ZDBF2: variants seen among roughly 807,000 people sequenced by gnomAD.
ZDBF2 encodes DBF4-type zinc finger-containing protein 2.
A neutral mutation model predicts 9.4 loss-of-function variants in ZDBF2; 6 were observed. That is an observed-to-expected ratio of 0.64 (90% CI 0.35 to 1.27). The LOEUF (loss-of-function observed/expected upper bound fraction) is 1.27, where lower values mean the gene tolerates loss of function less well. ZDBF2 is among the 50% of genes most tolerant of loss of function. ZDBF2 has a pLI of 0.03. For synonymous variants in ZDBF2, 905 were observed against 946.3 expected, an observed-to-expected ratio of 0.96 and a Z score of 0.80; for missense variants, 2,697 against 2,766.8, an observed-to-expected ratio of 0.97 and a Z score of 0.57.
rs1387520060 is a variant in ZDBF2, at chr2:206,307,010, G to A, written c.2482G>A (p.Glu828Lys). Residue 828 changes from glutamate (E) to lysine (K), a missense_variant, in exon 5 of 5, where the codon GAA becomes AAA. Glu to Lys is a moderately conservative substitution (Grantham distance 56, BLOSUM62 1). This residue lies in a region of ZDBF2 where 910 missense variants were observed against 973.6 expected (regional missense o/e 0.93). Coordinates refer to ENST00000374423, the MANE Select transcript of ZDBF2 (RefSeq NM_020923.3). ...TAAAAGTAATGAATCTTGTGTCTCT[G>A]AAATAACTTTTGATTCTGATATTCC... ...ESKSNESCVS[E>K]ITFDSDIPLH... is the part of the protein sequence containing the mutation. The A allele has an allele frequency of 2.5e-6, 4 of 1,613,488 alleles. No individual in the cohort carries two copies. Among genetic ancestry groups the A allele is most frequent in the Non-Finnish European group, 3.4e-6 (4 of 1,179,750 alleles).
intron 2 of ZDBF2, among the ~76,000 whole-genome samples, chr2:206,281,242 G>C (rs1283700533): frequency 6.6e-6 from 1 of 152,196 alleles, no homozygotes; most frequent in Non-Finnish European, 1.5e-5. Context: ...ATAATTGTCA[G>C]AAGAAAAGTG....
In ZDBF2 at chr2:206,306,248, T is replaced by C. The variant is rs1399532953; in HGVS notation, c.1720T>C (p.Tyr574His). The C allele has an allele frequency of 1.2e-6, 2 of 1,613,444 alleles. No homozygotes were observed. The highest frequency in any genetic ancestry group is 4.5e-5 in the East Asian group (2 of 44,886). The change falls in exon 5 of 5, where the codon TAT becomes CAT. Residue 574 changes from tyrosine to histidine, a missense_variant. Tyr to His is a moderately conservative substitution (Grantham distance 83). Coordinates refer to ENST00000374423, the MANE Select transcript of ZDBF2 (RefSeq NM_020923.3). ...KKAHTSLVDN[Y>H]GSSCSETSFD... is the part of the protein sequence containing the mutation. Reference sequence around the variant, plus strand: ...GGCTCATACCAGCTTGGTTGATAACTATGGATCGAGTTGTTCTGAAACAAG... The same window carrying C: ...GGCTCATACCAGCTTGGTTGATAACCATGGATCGAGTTGTTCTGAAACAAG...
In ZDBF2 at chr2:206,307,453, C is replaced by G. The variant is rs188907746; in HGVS notation, c.2925C>G (p.Val975=). ...CGACTCACAAACCTGAAGTAATTGT[C>G]AAAGAAACATGGCTTCAAAGAGAAA... The part of the protein sequence containing the change: ...QAATHKPEVI[V]KETWLQREKH... Residue 975 remains valine, a synonymous_variant, in exon 5 of 5, where the codon GTC becomes GTG. Transcript: ENST00000374423. 2 of 1,611,956 alleles carry G rather than the reference C, an allele frequency of 1.2e-6. No homozygotes were observed. The highest frequency in any genetic ancestry group is 3.4e-5 in the Admixed American group (2 of 59,690).
intron 1 of ZDBF2, among the ~76,000 whole-genome samples, chr2:206,277,379 C>T (rs1691072254): frequency 6.6e-6 from 1 of 151,300 alleles, no homozygotes; most frequent in South Asian, 2.1e-4. Flanking sequence ...CCTAAGTCAT[C>T]TGGGTAGCTC....
Position 206,309,165 on chromosome 2 carries a change from T to A in ZDBF2, c.4637T>A (p.Leu1546His). 1 of 1,611,312 alleles carries A rather than the reference T, an allele frequency of 6.2e-7. No individual in the cohort carries two copies. The highest frequency in any genetic ancestry group is 1.7e-5 in the Admixed American group (1 of 59,562). The change falls in exon 5 of 5, where the codon CTT becomes CAT. Residue 1546 changes from leucine (L) to histidine (H), a missense_variant. Leu to His is a moderately conservative substitution (Grantham distance 99). Around this residue, in one of 3 missense-constraint regions of ZDBF2, gnomAD observed 1,783 missense variants for 1,776.5 expected, o/e 1.00. Transcript: ENST00000374423. ...GAAGTAATTTCAGATGATATTCCCC[T>A]TCAGTTAGTGACTGACCCACCTCAG... ...DYEVISDDIPLQLVTDPPQLT... is the reference protein window; with the variant it reads ...DYEVISDDIPHQLVTDPPQLT...
chr2:206,287,891 T>G (rs1241177827), intron 3 of ZDBF2, among the ~76,000 whole-genome samples: 1 of 152,152 alleles, frequency 6.6e-6, no homozygotes, highest in East Asian at 1.9e-4. Flanking sequence ...ATTCTTTAGC[T>G]GTAGGATTTC....
At chr2:206,281,956 T>C in intron 3 of ZDBF2, 47 bp downstream of exon 3, 1 of 1,485,002 alleles carries the variant, frequency 6.7e-7, no homozygotes, top group Non-Finnish European at 9.2e-7. Flanking sequence ...GACCTAGTTG[T>C]GACTTTCTCT....
Position 206,310,415 on chromosome 2 carries a change from C to T in ZDBF2, c.5887C>T (p.Gln1963Ter). 6.2e-7 allele frequency: 1 copy of T among 1,613,946 alleles called. No homozygotes were observed. The highest frequency in any genetic ancestry group is 8.5e-7 in the Non-Finnish European group (1 of 1,179,872). Reference protein sequence around the residue: ...YPVMKRKIIRQEEDPPKSKCS... With the variant: ...YPVMKRKIIR ...AGTGATGAAAAGAAAAATAATTAGA[C>T]AAGAGGAAGACCCACCAAAAAGTAA... Residue 1963 changes from glutamine (Q) to a stop codon, truncating the protein, a stop_gained, in exon 5 of 5, where the codon CAA (glutamine) becomes TAA (stop). Coordinates refer to ENST00000374423, the MANE Select transcript of ZDBF2 (RefSeq NM_020923.3). LOFTEE classifies it low-confidence loss of function (END_TRUNC).
intron 3 of ZDBF2, among the ~76,000 whole-genome samples, chr2:206,291,732 G>T (rs911090075): frequency 2.6e-5 from 4 of 152,124 alleles, no homozygotes; most frequent in African/African-American, 9.7e-5. Flanking sequence ...CTTGGTCATG[G>T]TGTATAATCC....
rs1263305006 is a variant in ZDBF2, at chr2:206,305,687, C to G, written c.1159C>G (p.Leu387Val). ...QPQETAQDLS[L>V]WKEEQIDQED... ...CCAAGAGACTGCACAAGACTTAAGT[C>G]TTTGGAAGGAGGAGCAAATTGACCA... is the stretch of plus-strand genomic sequence containing the variant. Residue 387 changes from leucine (L) to valine (V), a missense_variant, in exon 5 of 5, where the codon CTT becomes GTT. Physicochemically the swap from Leu to Val is conservative, Grantham distance 32 (BLOSUM62 1). Coordinates refer to ENST00000374423, the MANE Select transcript of ZDBF2 (RefSeq NM_020923.3). 2.5e-6 allele frequency: 4 copies of G among 1,613,676 alleles called. No homozygotes were observed. The highest frequency in any genetic ancestry group is 1.7e-4 in the Middle Eastern group (1 of 6,058).
chr2:206,303,728 C>T (rs2105945673), intron 4 of ZDBF2, among the ~76,000 whole-genome samples: 2 of 152,252 alleles, frequency 1.3e-5, no homozygotes, highest in Admixed American at 1.3e-4. Flanking sequence ...CACTTGACAC[C>T]TCTAGACTTC....
Position 206,308,861 on chromosome 2 carries a change from A to G in ZDBF2, c.4333A>G (p.Lys1445Glu). Residue 1445 changes from lysine (K) to glutamate (E), a missense_variant, in exon 5 of 5, where the codon AAG (lysine) becomes GAG (glutamate). Coordinates refer to ENST00000374423, the MANE Select transcript of ZDBF2 (RefSeq NM_020923.3). ...QKKDHNDLEN[K>E]NCEVCGSEIK... ...GAAGGATCATAATGATCTAGAAAAT[A>G]AGAACTGTGAAGTCTGTGGTTCTGA... 1 of 1,612,994 alleles carries G rather than the reference A, an allele frequency of 6.2e-7. No homozygotes were observed. The highest frequency in any genetic ancestry group is 8.5e-7 in the Non-Finnish European group (1 of 1,179,600).
At chr2:206,300,302 A>G (rs1692434562) in intron 4 of ZDBF2, among the ~76,000 whole-genome samples, 1 of 152,238 alleles carries the variant, frequency 6.6e-6, no homozygotes, top group Admixed American at 6.5e-5. Context: ...GAACCAGTCC[A>G]CAATCACACG....
chr2:206,276,338 G>A (rs1050468444), intron 1 of ZDBF2, among the ~76,000 whole-genome samples: 1 of 152,134 alleles, frequency 6.6e-6, no homozygotes, highest in African/African-American at 2.4e-5. Context: ...GTGCCTGTGC[G>A]TGTGTGCTCG....
chr2:206,308,436 C>A lies in ZDBF2; in HGVS notation c.3908C>A (p.Ala1303Glu). 6.2e-7 allele frequency: 1 copy of A among 1,613,120 alleles called. No homozygotes were observed. Among genetic ancestry groups the A allele is most frequent in the South Asian group, 1.1e-5 (1 of 90,986 alleles). Residue 1303 changes from alanine to glutamate, a missense_variant, in exon 5 of 5, where the codon GCG becomes GAG. This residue lies in a region of ZDBF2 where 1,783 missense variants were observed against 1,776.5 expected (regional missense o/e 1.00). Coordinates refer to ENST00000374423, the MANE Select transcript of ZDBF2 (RefSeq NM_020923.3). ...LQSVTNKIPGANKEINLLREE... is the reference protein window; with the variant it reads ...LQSVTNKIPGENKEINLLREE... The stretch of plus-strand genomic sequence containing the variant: ...TCCGTAACTAATAAAATTCCAGGGG[C>A]GAATAAAGAAATAAATCTTTTGAGG...
At chr2:206,300,697 C>G (rs574155684) in intron 4 of ZDBF2, among the ~76,000 whole-genome samples, 1 of 152,182 alleles carries the variant, frequency 6.6e-6, no homozygotes, top group African/African-American at 2.4e-5. Flanking sequence ...ATGTAAATAC[C>G]TTGTTTCTTA....
intron 3 of ZDBF2, among the ~76,000 whole-genome samples, chr2:206,285,201 T>G (rs1167686074): frequency 3.3e-5 from 5 of 152,192 alleles, no homozygotes; most frequent in African/African-American, 4.8e-5. Flanking sequence ...GGTAGTTATA[T>G]TTTTAGGTTT....
Position 206,310,013 on chromosome 2 carries a change from G to A in ZDBF2, c.5485G>A (p.Gly1829Arg). Reference sequence around the variant, plus strand: ...GCCTCATGTACCTCCTTCATTTGTGGGGAAAACATGGTCTCAGATAATGAG... The same window carrying A: ...GCCTCATGTACCTCCTTCATTTGTGAGGAAAACATGGTCTCAGATAATGAG... ...ALPHVPPSFV[G>R]KTWSQIMRED... The change falls in exon 5 of 5, where the codon GGG (glycine) becomes AGG (arginine). Residue 1829 changes from glycine to arginine, a missense_variant. Around this residue, in one of 3 missense-constraint regions of ZDBF2, gnomAD observed 1,783 missense variants for 1,776.5 expected, o/e 1.00. Coordinates refer to ENST00000374423, the MANE Select transcript of ZDBF2 (RefSeq NM_020923.3). 1 of 1,613,050 alleles carries A rather than the reference G, an allele frequency of 6.2e-7. No homozygotes were observed. The highest frequency in any genetic ancestry group is 8.5e-7 in the Non-Finnish European group (1 of 1,179,680).
In ZDBF2 at chr2:206,304,082, A is replaced by G. The variant is rs572708251; in HGVS notation, c.189-635A>G. ...AAAGTGGAATTAGAGGTCAAAGGGTATGTACATTCTTAATTTTAATAGACA... is the reference window on the plus strand; with the variant it reads ...AAAGTGGAATTAGAGGTCAAAGGGTGTGTACATTCTTAATTTTAATAGACA... On this transcript the variant is annotated intron_variant, in intron 4 of 4. Transcript: ENST00000374423. 2.6e-5 allele frequency among the ~76,000 whole-genome samples: 4 copies of G among 152,326 alleles called. No homozygotes were observed. In the South Asian group the frequency reaches 6.2e-4, roughly 24 times the overall value.
Sources: allele counts gnomAD v4.1 joint callset (sites outside exome capture counted in the v4.1 genomes callset), GRCh38; gene constraint gnomAD v4.1.1; regional missense constraint gnomAD v4.1.1; transcripts MANE v1.5; gene names NCBI Gene and HGNC (gene_info 2026-07-23, HGNC 2026-07-21).